Variants in ARHGDIB observed in about 807,000 individuals in gnomAD.
The protein encoded by ARHGDIB is rho GDP-dissociation inhibitor 2.
In ARHGDIB, 20 loss-of-function variants were observed where a neutral mutation model predicts 22.6. That is an observed-to-expected ratio of 0.88 (90% CI 0.62 to 1.28). The LOEUF (loss-of-function observed/expected upper bound fraction) is 1.28. ARHGDIB is among the 50% of genes most tolerant of loss of function. The pLI is 0.00. For missense variants in ARHGDIB, 254 were observed against 245.4 expected (o/e 1.04, Z -0.23); for synonymous variants, 114 against 96.1 (o/e 1.19, Z -1.09).
At position 14,942,482 on chromosome 12, in the gene ARHGDIB, T is replaced by C; in HGVS notation, c.*40A>G. The stretch of plus-strand genomic sequence containing the variant: ...AGGGTGCTGAACACGCCTGAGAGAA[T>C]TCTTCCAGGTGGCAAGGGTGGGGAA... On this transcript the variant is annotated 3_prime_UTR_variant, in exon 6 of 6. Transcript: ENST00000228945. The C allele has an allele frequency of 6.2e-7, 1 of 1,610,790 alleles. No individual in the cohort carries two copies. The highest frequency in any genetic ancestry group is 1.1e-5 in the South Asian group (1 of 90,986).
At chr12:14,953,954 T>TTTCC (rs1324202334) in intron 1 of ARHGDIB, among the ~76,000 whole-genome samples, 64 of 145,982 alleles carry the variant, frequency 4.4e-4, no homozygotes, top group African/African-American at 9.0e-4. Flanking sequence ...TCCTTTCTTC[T>TTTCC]TTCCTTCCTT....
intron 1 of ARHGDIB, among the ~76,000 whole-genome samples, chr12:14,956,875 A>G (rs1864311109): frequency 6.6e-6 from 1 of 152,220 alleles, no homozygotes; most frequent in South Asian, 2.1e-4. Flanking sequence ...GGTTACTCAC[A>G]GCATGCATAT....
At position 14,942,511 on chromosome 12, in the gene ARHGDIB, G is replaced by A. The variant is rs41276684; in HGVS notation, c.*11C>T. ...TCCAGGTGGCAAGGGTGGGGAAAGGGGTGGATGCATTCATTCTGTCCACTC... is the reference window on the plus strand; with the variant it reads ...TCCAGGTGGCAAGGGTGGGGAAAGGAGTGGATGCATTCATTCTGTCCACTC... On this transcript the variant is annotated 3_prime_UTR_variant, in exon 6 of 6. Coordinates refer to ENST00000228945, the MANE Select transcript of ARHGDIB (RefSeq NM_001175.7). 1.9e-6 allele frequency: 3 copies of A among 1,613,672 alleles called. No homozygotes were observed. Among genetic ancestry groups the A allele is most frequent in the African/African-American group, 2.7e-5 (2 of 74,892 alleles).
chr12:14,956,451 G>C (rs549958322), intron 1 of ARHGDIB: 1 of 152,170 alleles, frequency 6.6e-6, no homozygotes, highest in Non-Finnish European at 1.5e-5. Context: ...GGAAGTAAAA[G>C]GGAGATTGGG....
At position 14,959,334 on chromosome 12, in the gene ARHGDIB, C is replaced by T. The variant is rs111352335; in HGVS notation, c.-13+2203G>A. On this transcript the variant is annotated intron_variant, in intron 1 of 5. Coordinates refer to ENST00000228945, the MANE Select transcript of ARHGDIB (RefSeq NM_001175.7). ...TCGGGAGGTTGAGGCGGGAGGATCACGTGAGCCTCCTGAGTAGGTAGGACC... is the reference window on the plus strand; with the variant it reads ...TCGGGAGGTTGAGGCGGGAGGATCATGTGAGCCTCCTGAGTAGGTAGGACC... Among the ~76,000 whole-genome samples, 288 of 152,252 alleles carry T rather than the reference C, an allele frequency of 1.9e-3. 1 individual carries two copies. The highest frequency in any genetic ancestry group is 6.1e-3 in the African/African-American group (254 of 41,562).
chr12:14,957,271 T>G (rs1345606209), intron 1 of ARHGDIB, among the ~76,000 whole-genome samples: 6 of 152,188 alleles, frequency 3.9e-5, no homozygotes, highest in African/African-American at 1.4e-4. Context: ...CATGAAAAAT[T>G]ATAGGACTAT....
chr12:14,942,681 C>A lies in ARHGDIB; in HGVS notation c.447G>T (p.Arg149=). ...GAGTGAGGAACTCATACTCCTCAGG[C>A]CGAGGTCCATAGCTGCCAACCATAA... ...ATFMVGSYGP[R]PEEYEFLTPV... The change falls in exon 6 of 6, where the codon CGG becomes CGT. Residue 149 remains arginine, a synonymous_variant. Transcript: ENST00000228945. 6.2e-7 allele frequency: 1 copy of A among 1,614,074 alleles called. No individual in the cohort carries two copies. The highest frequency in any genetic ancestry group is 8.5e-7 in the Non-Finnish European group (1 of 1,180,006).
intron 1 of ARHGDIB, among the ~76,000 whole-genome samples, chr12:14,953,351 G>A (rs893562886): frequency 1.3e-5 from 2 of 152,184 alleles, no homozygotes; most frequent in Admixed American, 1.3e-4. Context: ...ATTAGAAAGA[G>A]TAATAATACA....
At chr12:14,943,940 G>A (rs1052937405) in intron 5 of ARHGDIB, among the ~76,000 whole-genome samples, 83 of 152,276 alleles carry the variant, frequency 5.5e-4, no homozygotes, top group Admixed American at 9.2e-4. Context: ...ACTAGGTATC[G>A]GAAAGGCCAA....
chr12:14,942,967 C>G (rs993788928), intron 5 of ARHGDIB, among the ~76,000 whole-genome samples: 1 of 152,006 alleles, frequency 6.6e-6, no homozygotes, highest in African/African-American at 2.4e-5. Flanking sequence ...CTCCCAGGTT[C>G]CAGTGATTCT....
chr12:14,944,749 A>G (rs1451907595), intron 5 of ARHGDIB, 27 bp downstream of exon 5: 1 of 1,608,284 alleles, frequency 6.2e-7, no homozygotes, highest in East Asian at 2.2e-5. Context: ...GCAGTTTGGG[A>G]CAGTGTGGAA....
chr12:14,959,374 C>T (rs1864366175), intron 1 of ARHGDIB, among the ~76,000 whole-genome samples: 1 of 152,170 alleles, frequency 6.6e-6, no homozygotes, highest in African/African-American at 2.4e-5. Flanking sequence ...GCACGCACCA[C>T]CATGCCCTGT....
chr12:14,949,593 A>T (rs1250184520), intron 3 of ARHGDIB, among the ~76,000 whole-genome samples: 1 of 152,186 alleles, frequency 6.6e-6, no homozygotes, highest in Non-Finnish European at 1.5e-5. Context: ...GTATGCCTGC[A>T]CTCTCTTCAA....
At chr12:14,945,608 A>G (rs1265795355) in intron 4 of ARHGDIB, among the ~76,000 whole-genome samples, 1 of 152,268 alleles carries the variant, frequency 6.6e-6, no homozygotes, top group Admixed American at 6.5e-5. Flanking sequence ...TGGACATTGC[A>G]TCATTAGCCG....
At chr12:14,943,768 T>C (rs1044053432) in intron 5 of ARHGDIB, among the ~76,000 whole-genome samples, 2 of 152,296 alleles carry the variant, frequency 1.3e-5, no homozygotes, top group African/African-American at 4.8e-5. Context: ...TAGTTGGGCA[T>C]TGAAAAGTAT....
At position 14,949,693 on chromosome 12, in the gene ARHGDIB, T is replaced by C. The variant is rs1011957349; in HGVS notation, c.265+109A>G. The C allele has an allele frequency of 5.3e-6, 5 of 947,198 alleles. No individual in the cohort carries two copies. In the African/African-American group the frequency reaches 6.4e-5, roughly 12 times the overall value. The allele number at this position is 947,198 out of a possible 1,614,324, so 58.7% of individuals were successfully genotyped here. On this transcript the variant is annotated intron_variant, in intron 3 of 5. Coordinates refer to ENST00000228945, the MANE Select transcript of ARHGDIB (RefSeq NM_001175.7). The stretch of plus-strand genomic sequence containing the variant: ...TGATTTGTTAACTGGTCCTAGCATA[T>C]ATATCTCTCTGATTCACCAGTTTTC...
intron 4 of ARHGDIB, 57 bp downstream of exon 4, chr12:14,947,815 GT>G: frequency 7.3e-7 from 1 of 1,361,196 alleles, no homozygotes; most frequent in Non-Finnish European, 1.0e-6. Flanking sequence ...AAGAAATGTA[GT>G]CACTGATTAA....
At chr12:14,954,122 G>T (rs114697545) in intron 1 of ARHGDIB, among the ~76,000 whole-genome samples, 2 of 152,198 alleles carry the variant, frequency 1.3e-5, no homozygotes, top group African/African-American at 4.8e-5. Context: ...GGGACTACGG[G>T]CACATGCCAC....
In ARHGDIB at chr12:14,949,866, G is replaced by A. The variant is rs781755145; in HGVS notation, c.201C>T (p.Val67=). 8.1e-6 allele frequency: 13 copies of A among 1,613,454 alleles called. No individual in the cohort carries two copies. In the Admixed American group the frequency reaches 1.5e-4, roughly 19 times the overall value. ...AAACCAGGGTGAGCCGGGTGACAAC[G>A]ACATTGGGGGCTTTCGGATCTGCAG... The part of the protein sequence containing the change: ...PVVTDPKAPN[V]VVTRLTLVCE... The change falls in exon 3 of 6, where the codon GTC becomes GTT. Residue 67 remains valine (V), a synonymous_variant. Transcript: ENST00000228945.
Sources: allele counts gnomAD v4.1 joint callset (sites outside exome capture counted in the v4.1 genomes callset), GRCh38; gene constraint gnomAD v4.1.1; transcripts MANE v1.5; gene names NCBI Gene and HGNC (gene_info 2026-07-23, HGNC 2026-07-21).